The following DISP3 variants were observed in gnomAD, a reference collection of about 807,000 sequenced individuals.
The protein encoded by DISP3 is protein dispatched homolog 3.
A neutral mutation model predicts 135.3 loss-of-function variants in DISP3; 101 were observed. The ratio of observed to expected loss-of-function variants is 0.75; its 90% CI spans 0.64 to 0.88. The LOEUF is 0.88. Ranked by LOEUF, DISP3 falls within the 40% of genes least tolerant of loss-of-function variation. The pLI, the probability that DISP3 is intolerant of heterozygous loss-of-function variation, is 0.00. For synonymous variants in DISP3, 856 were observed against 817.0 expected, an observed-to-expected ratio of 1.05 and a Z score of -0.81; for missense variants, 1,713 against 1,878.6, an observed-to-expected ratio of 0.91 and a Z score of 1.63.
chr1:11,520,169 G>A lies in DISP3; in HGVS notation c.2200+289G>A, dbSNP rs1470454574. On this transcript the variant is annotated intron_variant, in intron 9 of 20. Coordinates refer to ENST00000294484, the MANE Select transcript of DISP3 (RefSeq NM_020780.2). This position sits in a 1 kb window ranked among gnomAD's most constrained non-coding sequence, Gnocchi z 4.8. ...TGAGTCTGAGTCCCAGTTTGGCCGCGTCCTAGCTGTGTGAATTTGGCTATT... is the reference window on the plus strand; with the variant it reads ...TGAGTCTGAGTCCCAGTTTGGCCGCATCCTAGCTGTGTGAATTTGGCTATT... 1.3e-5 allele frequency among the ~76,000 whole-genome samples: 2 copies of A among 152,048 alleles called. No homozygotes were observed. The highest frequency in any genetic ancestry group is 2.4e-5 in the African/African-American group (1 of 41,442).
At chr1:11,533,528 A>G in intron 17 of DISP3, 1 of 467,418 alleles carries the variant, frequency 2.1e-6, no homozygotes, top group Non-Finnish European at 3.9e-6. Flanking sequence ...AAGTGCGGGG[A>G]TTATAGGCGT....
chr1:11,533,257 T>C (rs988741076), intron 17 of DISP3, among the ~76,000 whole-genome samples: 19 of 145,624 alleles, frequency 1.3e-4, no homozygotes, highest in South Asian at 2.2e-4. Flanking sequence ...CTGTTTCTTT[T>C]TTTTTTTTTT....
chr1:11,519,932 C>A lies in DISP3; in HGVS notation c.2200+52C>A, dbSNP rs775350666. On this transcript the variant is annotated intron_variant, in intron 9 of 20. Transcript: ENST00000294484. The surrounding 1 kb of genome is among the most constrained non-coding windows in gnomAD (Gnocchi z 4.3). ...CTGTCTCACAGCTCCACCCCCAAAACACACAGGAACTGGGAGCCCACCCCC... is the reference window on the plus strand; with the variant it reads ...CTGTCTCACAGCTCCACCCCCAAAAAACACAGGAACTGGGAGCCCACCCCC... 6.5e-7 allele frequency: 1 copy of A among 1,543,086 alleles called. No homozygotes were observed. Among genetic ancestry groups the A allele is most frequent in the Non-Finnish European group, 8.8e-7 (1 of 1,139,560 alleles).
intron 1 of DISP3, among the ~76,000 whole-genome samples, chr1:11,484,122 C>G (rs1453968668): frequency 6.6e-6 from 1 of 152,232 alleles, no homozygotes; most frequent in Non-Finnish European, 1.5e-5. Flanking sequence ...CCGCTGCACC[C>G]CCTCTGACAT....
chr1:11,480,628 CCACTCAGACTCCCAAGCACAGACA>C (rs1640874381), intron 1 of DISP3, among the ~76,000 whole-genome samples: 1 of 151,322 alleles, frequency 6.6e-6, no homozygotes, highest in Non-Finnish European at 1.5e-5. Flanking sequence ...ACTCACAAAG[CCACTCAGACTCCCAAGCACAGACA>C]CACTTCCACC....
At position 11,501,903 on chromosome 1, in the gene DISP3, A is replaced by G. The variant is rs1641546548; in HGVS notation, c.911A>G (p.Lys304Arg). The stretch of plus-strand genomic sequence containing the variant: ...GTCACGATCCATGAGATCGAGCGCA[A>G]GATCATGGACCACCCAGGCTTCCGG... Reference protein sequence around the residue: ...RLVTIHEIERKIMDHPGFREF... With the variant: ...RLVTIHEIERRIMDHPGFREF... The change falls in exon 2 of 21, where the codon AAG becomes AGG. Residue 304 changes from lysine to arginine, a missense_variant. This residue lies in a region of DISP3 where 571 missense variants were observed against 494.1 expected (regional missense o/e 1.16). Transcript: ENST00000294484. The surrounding 1 kb of genome is among the most constrained non-coding windows in gnomAD (Gnocchi z 4.9). 1 of 1,613,358 alleles carries G rather than the reference A, an allele frequency of 6.2e-7. No homozygotes were observed. The highest frequency in any genetic ancestry group is 1.3e-5 in the African/African-American group (1 of 74,950).
chr1:11,526,558 T>C (rs1642424738), intron 12 of DISP3, 93 bp from the exon 13 acceptor site: 5 of 1,390,336 alleles, frequency 3.6e-6, no homozygotes, highest in East Asian at 2.3e-5. Flanking sequence ...GGGTGAACTA[T>C]GCCGAGGAGG....
chr1:11,488,873 T>G (rs905380377), intron 1 of DISP3, among the ~76,000 whole-genome samples: 1 of 152,182 alleles, frequency 6.6e-6, no homozygotes, highest in Admixed American at 6.5e-5. Context: ...TGGAAATAAT[T>G]CCTAGGAGGA....
At position 11,536,596 on chromosome 1, in the gene DISP3, G is replaced by C; in HGVS notation, c.4089G>C (p.Val1363=). Residue 1363 remains valine, a synonymous_variant, in exon 21 of 21, where the codon GTG becomes GTC. Transcript: ENST00000294484. This position sits in a 1 kb window ranked among gnomAD's most constrained non-coding sequence, Gnocchi z 4.3. ...RTSFLKALGA[V]LLAGALGLGA... ...CCTTCCTCAAGGCCCTGGGTGCCGT[G>C]CTGCTGGCAGGGGCCCTGGGGCTGG... is the stretch of plus-strand genomic sequence containing the variant. 1 of 1,611,460 alleles carries C rather than the reference G, an allele frequency of 6.2e-7. No individual in the cohort carries two copies. Among genetic ancestry groups the C allele is most frequent in the Admixed American group, 1.7e-5 (1 of 59,940 alleles).
Position 11,531,602 on chromosome 1 carries a change from T to A in DISP3, c.3267T>A (p.Pro1089=). The A allele has an allele frequency of 6.2e-7, 1 of 1,613,520 alleles. No individual in the cohort carries two copies. Among genetic ancestry groups the A allele is most frequent in the Non-Finnish European group, 8.5e-7 (1 of 1,179,960 alleles). ...SISSFLQMLH[P]ECKELPEPNL... is the part of the protein sequence containing the mutation. Reference sequence around the variant, plus strand: ...CCTCCTTCCTGCAGATGTTGCACCCTGAGTGCAAGGAGCTGCCCGAGCCCA... The same window carrying A: ...CCTCCTTCCTGCAGATGTTGCACCCAGAGTGCAAGGAGCTGCCCGAGCCCA... Residue 1089 remains proline, a synonymous_variant, in exon 17 of 21, where the codon CCT becomes CCA. Coordinates refer to ENST00000294484, the MANE Select transcript of DISP3 (RefSeq NM_020780.2). This position sits in a 1 kb window ranked among gnomAD's most constrained non-coding sequence, Gnocchi z 5.2.
In DISP3 at chr1:11,536,424, C is replaced by G; in HGVS notation, c.3917C>G (p.Pro1306Arg). 6.2e-7 allele frequency: 1 copy of G among 1,613,290 alleles called. No homozygotes were observed. The highest frequency in any genetic ancestry group is 8.5e-7 in the Non-Finnish European group (1 of 1,179,976). ...SALTTVIATV[P>R]LFFCIIAPFA... ...CTCACCACGGTCATCGCCACAGTGC[C>G]CCTCTTCTTCTGCATCATCGCCCCA... Residue 1306 changes from proline to arginine, a missense_variant, in exon 21 of 21, where the codon CCC (proline) becomes CGC (arginine). Pro to Arg is a moderately radical substitution (Grantham distance 103, BLOSUM62 -2). Around this residue, in one of 2 missense-constraint regions of DISP3, gnomAD observed 1,142 missense variants for 1,384.6 expected, o/e 0.82. Transcript: ENST00000294484. The surrounding 1 kb of genome is among the most constrained non-coding windows in gnomAD (Gnocchi z 4.3).
At position 11,520,242 on chromosome 1, in the gene DISP3, C is replaced by T. The variant is rs1364384984; in HGVS notation, c.2200+362C>T. ...CCTATTCTGTAATTGAGGATGAGAA[C>T]GGTGGCTAGGAAGGCAGCTGTCAGT... On this transcript the variant is annotated intron_variant, in intron 9 of 20. Transcript: ENST00000294484. This position sits in a 1 kb window ranked among gnomAD's most constrained non-coding sequence, Gnocchi z 4.8. 6.6e-6 allele frequency among the ~76,000 whole-genome samples: 1 copy of T among 152,172 alleles called. No homozygotes were observed. Among genetic ancestry groups the T allele is most frequent in the African/African-American group, 2.4e-5 (1 of 41,426 alleles).
chr1:11,515,305 CTAGT>C, intron 4 of DISP3, 60 bp from the exon 5 acceptor site: 1 of 1,587,796 alleles, frequency 6.3e-7, no homozygotes, highest in Non-Finnish European at 8.6e-7. Context: ...GTCAGGGACT[CTAGT>C]GGGGTTTGTG....
At chr1:11,488,683 G>A (rs1017379903) in intron 1 of DISP3, among the ~76,000 whole-genome samples, 12 of 151,882 alleles carry the variant, frequency 7.9e-5, no homozygotes, top group Non-Finnish European at 1.5e-4. Context: ...AGACACGTGC[G>A]TGCATGCATG....
intron 11 of DISP3, among the ~76,000 whole-genome samples, chr1:11,524,465 A>G (rs1008366022): frequency 1.8e-4 from 27 of 151,712 alleles, no homozygotes; most frequent in African/African-American, 6.1e-4. Context: ...CACTGTTGCC[A>G]CCTCTCTCCT....
At chr1:11,493,682 C>T (rs1396831401) in intron 1 of DISP3, among the ~76,000 whole-genome samples, 1 of 152,032 alleles carries the variant, frequency 6.6e-6, no homozygotes, top group Non-Finnish European at 1.5e-5. Flanking sequence ...TGAGATCATG[C>T]CACCACACTC....
At position 11,502,665 on chromosome 1, in the gene DISP3, C is replaced by G. The variant is rs747599354; in HGVS notation, c.1097-13C>G. ...CAGCTGAACTCTTGGGGCCCCCACC[C>G]CTGTCCTTGCAGGCTCCCTGGAGCT... On this transcript the variant is annotated splice_polypyrimidine_tract_variant and intron_variant, in intron 2 of 20. Transcript: ENST00000294484. The G allele has an allele frequency of 3.1e-6, 5 of 1,611,426 alleles. No individual in the cohort carries two copies. The highest frequency in any genetic ancestry group is 2.2e-5 in the South Asian group (2 of 90,746).
In DISP3 at chr1:11,501,533, G is replaced by A; in HGVS notation, c.541G>A (p.Gly181Ser). The A allele has an allele frequency of 1.3e-6, 2 of 1,599,154 alleles. No individual in the cohort carries two copies. The highest frequency in any genetic ancestry group is 1.3e-5 in the African/African-American group (1 of 74,590). ...CCGCGTCATCCCCGCGGCCTCACTC[G>A]GTGGCCCAGGCCCTTACCGGGACAC... ...APRVIPAASLGGPGPYRDTSA... is the reference protein window; with the variant it reads ...APRVIPAASLSGPGPYRDTSA... The change falls in exon 2 of 21, where the codon GGT becomes AGT. Residue 181 changes from glycine (G) to serine (S), a missense_variant. Gly to Ser is a moderately conservative substitution (Grantham distance 56). Coordinates refer to ENST00000294484, the MANE Select transcript of DISP3 (RefSeq NM_020780.2). The surrounding 1 kb of genome is among the most constrained non-coding windows in gnomAD (Gnocchi z 4.9).
intron 3 of DISP3, among the ~76,000 whole-genome samples, chr1:11,512,976 A>T (rs1226797150): frequency 6.6e-6 from 1 of 152,170 alleles, no homozygotes; most frequent in African/African-American, 2.4e-5. Flanking sequence ...CACTATCATG[A>T]ATAAGTCTAG....
Sources: allele counts gnomAD v4.1 joint callset (sites outside exome capture counted in the v4.1 genomes callset), GRCh38; gene constraint gnomAD v4.1.1; regional missense constraint gnomAD v4.1.1; non-coding constraint Gnocchi (gnomAD v3.1); transcripts MANE v1.5; gene names NCBI Gene and HGNC (gene_info 2026-07-23, HGNC 2026-07-21).